SYNE1: variants seen among roughly 807,000 people sequenced by gnomAD.
The protein encoded by SYNE1 is nesprin-1.
SYNE1 carries 616 observed loss-of-function variants against 1,111.0 expected under a neutral mutation model. The ratio of observed to expected loss-of-function variants is 0.55; its 90% CI spans 0.52 to 0.59. The LOEUF is 0.59. SYNE1 is among the 20% of genes least tolerant of loss of function. SYNE1 has a pLI of 0.00. For missense variants in SYNE1, 10,006 were observed against 10,417.0 expected, an observed-to-expected ratio of 0.96 and a Z score of 1.72; for synonymous variants, 3,855 against 3,825.8, an observed-to-expected ratio of 1.01 and a Z score of -0.28.
At chr6:152,558,976 T>TTTTATTTATTTATTTA (rs76946853) in intron 3 of SYNE1, among the ~76,000 whole-genome samples, 1 of 139,964 alleles carries the variant, frequency 7.1e-6, no homozygotes, top group Non-Finnish European at 1.5e-5. Flanking sequence ...CATATTTAAT[T>TTTTATTTATTTATTTA]TTTATTTATT....
chr6:152,527,851 C>T (rs1034551557), intron 4 of SYNE1, among the ~76,000 whole-genome samples: 2 of 152,184 alleles, frequency 1.3e-5, no homozygotes, highest in Admixed American at 6.5e-5. Context: ...ACACAGGTGT[C>T]TGCCACTTTG....
chr6:152,381,284 T>C lies in SYNE1; in HGVS notation c.8731A>G (p.Thr2911Ala). The part of the protein sequence containing the change: ...ESLAPEVKQN[T>A]TASGCELMHT... ...ATGAGCTCACACCCACTGGCAGTTGTGTTCTGTTTCACTTCGGGAGCCAGC... is the reference window on the plus strand; with the variant it reads ...ATGAGCTCACACCCACTGGCAGTTGCGTTCTGTTTCACTTCGGGAGCCAGC... The change falls in exon 56 of 146, where the codon ACA becomes GCA. Residue 2911 changes from threonine (T) to alanine (A), a missense_variant. This residue lies in a region of SYNE1 where 4,955 missense variants were observed against 5,017.2 expected (regional missense o/e 0.99). Transcript: ENST00000367255. 6.2e-7 allele frequency: 1 copy of C among 1,614,198 alleles called. No homozygotes were observed. The highest frequency in any genetic ancestry group is 2.2e-5 in the East Asian group (1 of 44,886).
At chr6:152,214,339 T>C (rs534095852) in intron 122 of SYNE1, among the ~76,000 whole-genome samples, 1 of 152,320 alleles carries the variant, frequency 6.6e-6, no homozygotes, top group East Asian at 1.9e-4. Context: ...TTTAGTACAC[T>C]AAACATGAGA....
chr6:152,538,202 A>G (rs1184439812), intron 4 of SYNE1, among the ~76,000 whole-genome samples: 1 of 152,194 alleles, frequency 6.6e-6, no homozygotes, highest in African/African-American at 2.4e-5. Flanking sequence ...CTAGAAATTT[A>G]TCCTAAGAAG....
At position 152,419,596 on chromosome 6, in the gene SYNE1, GT is replaced by G; in HGVS notation, c.5393del (p.Asp1798AlafsTer4). 1 of 1,613,180 alleles carries G rather than the reference GT, an allele frequency of 6.2e-7. No homozygotes were observed. Among genetic ancestry groups the G allele is most frequent in the Non-Finnish European group, 8.5e-7 (1 of 1,179,858 alleles). On this transcript the variant is annotated frameshift_variant, in exon 40 of 146. Coordinates refer to ENST00000367255, the MANE Select transcript of SYNE1 (RefSeq NM_182961.4). LOFTEE classifies it high-confidence loss of function. ...TATGCCGAGTAAGGGCTACTTGATG[GT>G]CCATTATGCTAATCTCAGAGGTAGT... ...LQTTSEISIM[D>X]HQVALTRHKD...
intron 41 of SYNE1, among the ~76,000 whole-genome samples, chr6:152,414,858 C>T (rs558043652): frequency 3.9e-5 from 6 of 152,172 alleles, no homozygotes; most frequent in Non-Finnish European, 4.4e-5. Flanking sequence ...TCTCTTTATT[C>T]TGGAGGCTAT....
intron 3 of SYNE1, among the ~76,000 whole-genome samples, chr6:152,621,736 C>T (rs1040118432): frequency 6.6e-6 from 1 of 152,098 alleles, no homozygotes; most frequent in Non-Finnish European, 1.5e-5. Context: ...CCAAGCACTA[C>T]ACAAATGTAA....
In SYNE1 at chr6:152,510,363, C is replaced by A; in HGVS notation, c.411G>T (p.Glu137Asp). 1 of 1,613,796 alleles carries A rather than the reference C, an allele frequency of 6.2e-7. No individual in the cohort carries two copies. The highest frequency in any genetic ancestry group is 1.1e-5 in the South Asian group (1 of 91,042). Reference sequence around the variant, plus strand: ...GGAGCTGGGGCAGGTTGCTGGTCAACTCTTCAATCTGTTTGTGAGTTAACA... The same window carrying A: ...GGAGCTGGGGCAGGTTGCTGGTCAAATCTTCAATCTGTTTGTGAGTTAACA... ...WTIILYFQIE[E>D]LTSNLPQLQS... The change falls in exon 8 of 146, where the codon GAG becomes GAT. Residue 137 changes from glutamate to aspartate, a missense_variant. Physicochemically the swap from Glu to Asp is conservative, Grantham distance 45. This residue lies in a region of SYNE1 where 1,971 missense variants were observed against 2,084.1 expected (regional missense o/e 0.95). Coordinates refer to ENST00000367255, the MANE Select transcript of SYNE1 (RefSeq NM_182961.4).
chr6:152,287,718 T>C (rs531749442), intron 95 of SYNE1, among the ~76,000 whole-genome samples: 1 of 152,270 alleles, frequency 6.6e-6, no homozygotes, highest in South Asian at 2.1e-4. Flanking sequence ...AGCTAATTTT[T>C]GTATTTTTAG....
chr6:152,413,605 T>C (rs1373211070), intron 41 of SYNE1, 74 bp from the exon 42 acceptor site: 14 of 1,465,544 alleles, frequency 9.6e-6, no homozygotes, highest in East Asian at 7.0e-5. Flanking sequence ...CGTAAGTATA[T>C]GATGAGTCCA....
At chr6:152,614,423 C>T (rs530340688) in intron 3 of SYNE1, among the ~76,000 whole-genome samples, 172 of 152,172 alleles carry the variant, frequency 1.1e-3, no homozygotes, top group Non-Finnish European at 1.9e-3. Flanking sequence ...CAAATAAAAA[C>T]CACAAGGAGA....
intron 3 of SYNE1, among the ~76,000 whole-genome samples, chr6:152,596,365 C>T (rs1026221129): frequency 6.7e-6 from 1 of 150,260 alleles, no homozygotes; most frequent in Admixed American, 6.6e-5. Context: ...AAGAGATGCT[C>T]ATGCCTGAGC....
At chr6:152,528,102 T>A (rs1379732876) in intron 4 of SYNE1, among the ~76,000 whole-genome samples, 1 of 152,224 alleles carries the variant, frequency 6.6e-6, no homozygotes, top group East Asian at 1.9e-4. Flanking sequence ...CCAGACTGCC[T>A]AGTTCACAGC....
intron 3 of SYNE1, among the ~76,000 whole-genome samples, chr6:152,555,608 G>C (rs1001236973): frequency 2.0e-5 from 3 of 152,068 alleles, no homozygotes; most frequent in Non-Finnish European, 2.9e-5. Context: ...TTTTAAATTA[G>C]TATATGTTTA....
chr6:152,481,061 G>C (rs1215153950), intron 14 of SYNE1: 2 of 283,632 alleles, frequency 7.1e-6, no homozygotes, highest in African/African-American at 2.2e-5. Flanking sequence ...GGCCAACTTA[G>C]GACTCACTCC....
At chr6:152,302,594 G>C (rs1303429102) in intron 91 of SYNE1, among the ~76,000 whole-genome samples, 1 of 152,126 alleles carries the variant, frequency 6.6e-6, no homozygotes, top group Non-Finnish European at 1.5e-5. Context: ...ATGTCTCTAA[G>C]AATTTTTTTT....
At chr6:152,156,168 T>C (rs1265169030) in intron 131 of SYNE1, 71 bp from the exon 132 acceptor site, 18 of 1,493,050 alleles carry the variant, frequency 1.2e-5, no homozygotes, top group Non-Finnish European at 1.4e-5. Flanking sequence ...AAGCAACCTA[T>C]GTTGGTAAAT....
chr6:152,590,818 A>G (rs1282113636), intron 3 of SYNE1, among the ~76,000 whole-genome samples: 3 of 152,196 alleles, frequency 2.0e-5, no homozygotes, highest in Non-Finnish European at 4.4e-5. Context: ...CATTAAAAAT[A>G]TCAAGTTCTG....
chr6:152,234,003 T>C (rs116899832), intron 111 of SYNE1, 40 bp from the exon 112 acceptor site: 16 of 1,603,364 alleles, frequency 1.0e-5, no homozygotes, highest in African/African-American at 1.3e-5. Context: ...GTTAAATAGC[T>C]AGACCATTCA....
Sources: gnomAD v4.1 joint callset for allele counts (sites outside exome capture counted in the v4.1 genomes callset) on GRCh38, gnomAD v4.1.1 for gene constraint, gnomAD v4.1.1 regional missense constraint, MANE v1.5 for transcripts, NCBI Gene and HGNC (gene_info 2026-07-23, HGNC 2026-07-21) for gene names.